UBE2W: variants seen among roughly 807,000 people sequenced by gnomAD.
UBE2W encodes the protein ubiquitin conjugating enzyme E2 W, also known as ubiquitin-conjugating enzyme E2 W.
UBE2W carries 18 observed loss-of-function variants against 27.2 expected under a neutral mutation model. That is an observed-to-expected ratio of 0.66 (90% CI 0.46 to 0.98). The LOEUF is 0.98. Among genes scored for constraint, UBE2W ranks in the 50% least tolerant of loss-of-function variants. The probability of loss-of-function intolerance (pLI) is 0.00; values close to 1 mark genes in which losing one functional copy is unlikely to be tolerated. For missense variants in UBE2W, 90 were observed against 180.2 expected (o/e 0.50, Z 2.87); for synonymous variants, 53 against 57.2 (o/e 0.93, Z 0.33).
chr8:73,805,472 C>CAAAAAAAAAAAAAAAACAAAAAAAA, intron 5 of UBE2W, among the ~76,000 whole-genome samples, 179 bp downstream of exon 5: 1 of 43,692 alleles, frequency 2.3e-5, no homozygotes, highest in Non-Finnish European at 5.0e-5. Flanking sequence ...AAAAAAAAAA[C>CAAAAAAAAAAAAAAAACAAAAAAAA]AAAAAAAACT....
chr8:73,789,861 T>G lies in UBE2W; in HGVS notation c.*4241A>C. ...CAAAAATAAATAAATAAATAAATAA[T>G]AAAAATAATCATTCCACATCTCAAA... On this transcript the variant is annotated 3_prime_UTR_variant, in exon 6 of 6. Transcript: ENST00000602593. 1 of 898,790 alleles carries G rather than the reference T, an allele frequency of 1.1e-6. No homozygotes were observed. The highest frequency in any genetic ancestry group is 5.1e-5 in the South Asian group (1 of 19,454). 55.7% of individuals were successfully genotyped at this position (898,790 alleles called of 1,614,324 possible).
rs1189852015 is a variant in UBE2W, at chr8:73,793,351, T to C, written c.*751A>G. 3.0e-6 allele frequency: 3 copies of C among 985,732 alleles called. No individual in the cohort carries two copies. Among genetic ancestry groups the C allele is most frequent in the Non-Finnish European group, 2.4e-6 (2 of 829,910 alleles). 61.1% of individuals were successfully genotyped at this position (985,732 alleles called of 1,614,324 possible). A position where few individuals can be genotyped will look rare whatever the true frequency, so the allele number is the denominator to read the frequency against. On this transcript the variant is annotated 3_prime_UTR_variant, in exon 6 of 6. Transcript: ENST00000602593. ...CCTTGATTAAACCATTCATACCCTA[T>C]ATTACTCATACCTTTACTTCAGAGA...
At position 73,789,838 on chromosome 8, in the gene UBE2W, A is replaced by AAAATAAAT. The variant is rs946765218; in HGVS notation, c.*4256_*4263dup. Reference sequence around the variant, plus strand: ...GGTGACAGAGCAAGACTCCGTCTCAAAAATAAATAAATAAATAAATAATAA... The same window carrying AAAATAAAT: ...GGTGACAGAGCAAGACTCCGTCTCAAAAATAAATAAATAAATAAATAAATAAATAATAA... On this transcript the variant is annotated 3_prime_UTR_variant, in exon 6 of 6. Coordinates refer to ENST00000602593, the MANE Select transcript of UBE2W (RefSeq NM_018299.6). 2 of 863,474 alleles carry AAAATAAAT rather than the reference A, an allele frequency of 2.3e-6. No homozygotes were observed. Among genetic ancestry groups the AAAATAAAT allele is most frequent in the East Asian group, 1.2e-4 (1 of 8,230 alleles). 53.5% of individuals were successfully genotyped at this position (863,474 alleles called of 1,614,324 possible).
chr8:73,795,175 A>ACTAT (rs1808362855), intron 5 of UBE2W, among the ~76,000 whole-genome samples: 2 of 152,114 alleles, frequency 1.3e-5, no homozygotes, highest in Non-Finnish European at 2.9e-5. Flanking sequence ...TATTTTACAG[A>ACTAT]CTGATATGGT....
At chr8:73,823,114 A>T (rs1166602867) in intron 3 of UBE2W, among the ~76,000 whole-genome samples, 2 of 152,180 alleles carry the variant, frequency 1.3e-5, no homozygotes, top group Non-Finnish European at 2.9e-5. Flanking sequence ...AGGTGAAAGA[A>T]GAGTGAGAAG....
chr8:73,794,019 G>C lies in UBE2W; in HGVS notation c.*83C>G. 1 of 1,596,032 alleles carries C rather than the reference G, an allele frequency of 6.3e-7. No individual in the cohort carries two copies. Among genetic ancestry groups the C allele is most frequent in the Non-Finnish European group, 8.5e-7 (1 of 1,172,266 alleles). On this transcript the variant is annotated 3_prime_UTR_variant, in exon 6 of 6. Coordinates refer to ENST00000602593, the MANE Select transcript of UBE2W (RefSeq NM_018299.6). Reference sequence around the variant, plus strand: ...TGCCTATAGGTCACTTCCAGTCAAAGGTTAAAGTTCAAAGACTGAATGATC... The same window carrying C: ...TGCCTATAGGTCACTTCCAGTCAAACGTTAAAGTTCAAAGACTGAATGATC...
At chr8:73,803,628 C>T (rs957654697) in intron 5 of UBE2W, among the ~76,000 whole-genome samples, 4 of 152,068 alleles carry the variant, frequency 2.6e-5, no homozygotes, top group African/African-American at 7.2e-5. Flanking sequence ...GTAAAATACA[C>T]GTATTTTTAT....
At chr8:73,832,902 T>C (rs1195875227) in intron 1 of UBE2W, among the ~76,000 whole-genome samples, 19 of 152,090 alleles carry the variant, frequency 1.2e-4, no homozygotes, top group Non-Finnish European at 2.4e-4. Context: ...ATAAAACCCA[T>C]AGTTCGGCTG....
At chr8:73,869,160 TCAGGC>T (rs1437457827) in intron 1 of UBE2W, among the ~76,000 whole-genome samples, 1 of 152,190 alleles carries the variant, frequency 6.6e-6, no homozygotes, top group Admixed American at 6.5e-5. Flanking sequence ...GCATGGTGGC[TCAGGC>T]CAGTCATCGC....
At chr8:73,863,971 A>G (rs1418696037) in intron 1 of UBE2W, among the ~76,000 whole-genome samples, 3 of 152,210 alleles carry the variant, frequency 2.0e-5, no homozygotes, top group African/African-American at 4.8e-5. Flanking sequence ...AAAGGAGGAA[A>G]GTATGATCTA....
At position 73,791,583 on chromosome 8, in the gene UBE2W, G is replaced by A; in HGVS notation, c.*2519C>T. The A allele has an allele frequency of 2.0e-6, 2 of 985,056 alleles. No homozygotes were observed. The highest frequency in any genetic ancestry group is 2.4e-6 in the Non-Finnish European group (2 of 829,738). 61.0% of individuals were successfully genotyped at this position (985,056 alleles called of 1,614,324 possible). A position where few individuals can be genotyped will look rare whatever the true frequency, so the allele number is the denominator to read the frequency against. On this transcript the variant is annotated 3_prime_UTR_variant, in exon 6 of 6. Transcript: ENST00000602593. ...AGAAATATTCTTTTTATTATTACAA[G>A]CCATTAATTGCTCTCTGTAGAGCAA...
chr8:73,785,405 A>T (rs1213849022), downstream of UBE2W, among the ~76,000 whole-genome samples: 1 of 151,978 alleles, frequency 6.6e-6, no homozygotes, highest in East Asian at 1.9e-4. Flanking sequence ...GGCCTCCCAA[A>T]GTGCTGGGAT....
At chr8:73,848,899 A>G (rs1166242074) in intron 1 of UBE2W, among the ~76,000 whole-genome samples, 1 of 152,188 alleles carries the variant, frequency 6.6e-6, no homozygotes, top group Admixed American at 6.5e-5. Context: ...ATTTCAGTAA[A>G]AACATGTATC....
At chr8:73,813,433 G>T (rs1809257741) in intron 3 of UBE2W, among the ~76,000 whole-genome samples, 1 of 152,102 alleles carries the variant, frequency 6.6e-6, no homozygotes, top group African/African-American at 2.4e-5. Context: ...AAGTAGAAGA[G>T]GACTGAGATA....
intron 2 of UBE2W, 35 bp downstream of exon 2, chr8:73,830,346 T>C: frequency 6.8e-7 from 1 of 1,467,316 alleles, no homozygotes; most frequent in South Asian, 1.2e-5. Context: ...TTATTGGTAA[T>C]AAAACAAAGA....
chr8:73,801,524 G>A (rs1808642985), intron 5 of UBE2W, among the ~76,000 whole-genome samples: 1 of 152,196 alleles, frequency 6.6e-6, no homozygotes, highest in South Asian at 2.1e-4. Flanking sequence ...TAGTGAGATT[G>A]AATCTATCTG....
chr8:73,835,511 G>A (rs1178215154), intron 1 of UBE2W, among the ~76,000 whole-genome samples: 3 of 152,214 alleles, frequency 2.0e-5, no homozygotes, highest in Non-Finnish European at 4.4e-5. Flanking sequence ...GGGAGGCCGA[G>A]GTGGGTGAAT....
intron 2 of UBE2W, among the ~76,000 whole-genome samples, chr8:73,828,782 T>C (rs907344181): frequency 2.0e-5 from 3 of 152,198 alleles, no homozygotes; most frequent in Non-Finnish European, 4.4e-5. Flanking sequence ...AATCCAATTA[T>C]ACTTTTAGTT....
chr8:73,857,367 A>C (rs1811344498), intron 1 of UBE2W, among the ~76,000 whole-genome samples: 1 of 152,234 alleles, frequency 6.6e-6, no homozygotes, highest in African/African-American at 2.4e-5. Context: ...TACATAGAGA[A>C]CTGACCAAAA....
Sources: gnomAD v4.1 joint callset for allele counts (sites outside exome capture counted in the v4.1 genomes callset) on GRCh38, gnomAD v4.1.1 for gene constraint, MANE v1.5 for transcripts, NCBI Gene and HGNC (gene_info 2026-07-23, HGNC 2026-07-21) for gene names.